The following KIF5C variants were observed in gnomAD, a reference collection of about 807,000 sequenced individuals.
KIF5C encodes kinesin family member 5C.
A neutral mutation model predicts 125.2 loss-of-function variants in KIF5C; 18 were observed. The ratio of observed to expected loss-of-function variants is 0.14; its 90% confidence interval spans 0.10 to 0.21. The LOEUF (loss-of-function observed/expected upper bound fraction) is 0.21, where lower values mean the gene tolerates loss of function less well. Ranked by LOEUF, KIF5C falls within the 10% of genes least tolerant of loss-of-function variation. The pLI is 1.00. For synonymous variants in KIF5C, 405 were observed against 434.0 expected (o/e 0.93, Z 0.83); for missense variants, 780 against 1,183.8 (o/e 0.66, Z 5.01).
chr2:148,949,253 T>C (rs1574778474), intron 8 of KIF5C, among the ~76,000 whole-genome samples: 1 of 152,224 alleles, frequency 6.6e-6, no homozygotes, highest in Non-Finnish European at 1.5e-5. Context: ...AAATTTACGA[T>C]GCAGTATACA....
At chr2:148,992,716 G>T (rs1292571558) in intron 16 of KIF5C, among the ~76,000 whole-genome samples, 1 of 152,208 alleles carries the variant, frequency 6.6e-6, no homozygotes, top group Admixed American at 6.5e-5. Context: ...GGGGGAAATA[G>T]TCCATAGATT....
At chr2:149,020,602 A>G (rs1276094751) in intron 25 of KIF5C, among the ~76,000 whole-genome samples, 2 of 152,178 alleles carry the variant, frequency 1.3e-5, no homozygotes, top group Non-Finnish European at 2.9e-5. Context: ...GGCTGCAAAC[A>G]TTGCGTCAGG....
intron 1 of KIF5C, among the ~76,000 whole-genome samples, chr2:148,901,991 T>A (rs566481580): frequency 1.3e-5 from 2 of 152,292 alleles, no homozygotes; most frequent in African/African-American, 2.4e-5. Context: ...TTAAATAGGA[T>A]TGGTTACTTC....
At chr2:148,973,833 TC>T (rs757275013) in intron 12 of KIF5C, among the ~76,000 whole-genome samples, 87 of 152,284 alleles carry the variant, frequency 5.7e-4, no homozygotes, top group Non-Finnish European at 1.2e-3. Flanking sequence ...TCTTTAAGTC[TC>T]CCTTTCTTCT....
At position 148,875,735 on chromosome 2, in the gene KIF5C, G is replaced by C; in HGVS notation, c.118G>C (p.Val40Leu). 6.2e-7 allele frequency: 1 copy of C among 1,604,836 alleles called. No homozygotes were observed. The highest frequency in any genetic ancestry group is 8.5e-7 in the Non-Finnish European group (1 of 1,176,194). The change falls in exon 1 of 26, where the codon GTG (valine) becomes CTG (leucine). Residue 40 changes from valine to leucine, a missense_variant. Transcript: ENST00000435030. ...CAAATTTAAAGGCGATGAGACCGTG[G>C]TGATCGGGGTAAGTGGCTGGGGCGT... ...IPKFKGDETV[V>L]IGQGKPYVFD... is the part of the protein sequence containing the mutation.
intron 2 of KIF5C, among the ~76,000 whole-genome samples, chr2:148,925,723 T>C (rs1352234775): frequency 1.3e-5 from 2 of 152,168 alleles, no homozygotes; most frequent in South Asian, 4.1e-4. Context: ...TGTCAGGCCA[T>C]ATGGACTATT....
chr2:148,904,024 T>C (rs2105059406), intron 1 of KIF5C, among the ~76,000 whole-genome samples: 1 of 152,348 alleles, frequency 6.6e-6, no homozygotes, highest in East Asian at 1.9e-4. Context: ...GAATAATGTA[T>C]GTATGTGCTA....
chr2:148,950,681 C>T (rs537189186), intron 10 of KIF5C, among the ~76,000 whole-genome samples: 26 of 152,132 alleles, frequency 1.7e-4, no homozygotes, highest in Non-Finnish European at 3.4e-4. Context: ...TGGTGGCATG[C>T]GCCTGTGGTC....
chr2:148,949,534 T>C (rs1184508874), intron 8 of KIF5C, among the ~76,000 whole-genome samples: 1 of 152,206 alleles, frequency 6.6e-6, no homozygotes, highest in Admixed American at 6.5e-5. Context: ...CTACCCATGG[T>C]GACAGCACTT....
intron 1 of KIF5C, among the ~76,000 whole-genome samples, chr2:148,890,234 A>G (rs536744194): frequency 1.3e-5 from 2 of 152,360 alleles, no homozygotes; most frequent in African/African-American, 4.8e-5. Flanking sequence ...ACAAGGCACA[A>G]AGAAAAAAGG....
chr2:148,881,147 C>A (rs1227540829), intron 1 of KIF5C, among the ~76,000 whole-genome samples: 2 of 151,986 alleles, frequency 1.3e-5, no homozygotes, highest in Non-Finnish European at 2.9e-5. Context: ...CCCTTGGTGA[C>A]CTTCCTCATG....
intron 1 of KIF5C, among the ~76,000 whole-genome samples, chr2:148,907,132 A>T (rs1379790505): frequency 1.3e-5 from 2 of 152,182 alleles, no homozygotes; most frequent in African/African-American, 2.4e-5. Flanking sequence ...TTCAGACCCA[A>T]TCCAAGGGAT....
intron 1 of KIF5C, among the ~76,000 whole-genome samples, chr2:148,887,813 C>A (rs1681586239): frequency 6.6e-6 from 1 of 152,080 alleles, no homozygotes; most frequent in Non-Finnish European, 1.5e-5. Context: ...CGCCCCCTTC[C>A]CGCCCTCCCC....
chr2:149,002,750 C>T (rs1468141277), intron 21 of KIF5C, among the ~76,000 whole-genome samples: 1 of 152,216 alleles, frequency 6.6e-6, no homozygotes, highest in African/African-American at 2.4e-5. Flanking sequence ...TACACTCATT[C>T]ACTGTCACAA....
At chr2:149,022,798 C>T (rs1682570384) in intron 25 of KIF5C, among the ~76,000 whole-genome samples, 1 of 152,106 alleles carries the variant, frequency 6.6e-6, no homozygotes, top group African/African-American at 2.4e-5. Context: ...GTGGCAAACC[C>T]TTGTAATCCC....
In KIF5C at chr2:148,941,885, T is replaced by G. The variant is rs749658964; in HGVS notation, c.446-50T>G. 6 of 1,593,664 alleles carry G rather than the reference T, an allele frequency of 3.8e-6. No individual in the cohort carries two copies. The South Asian group carries it at 7.0e-5, about 19-fold the overall frequency. ...CTTCCATTTTTCCTCCAATATAGAG[T>G]CTTTAACTTTTATTTTCTTCTTTGC... On this transcript the variant is annotated intron_variant, in intron 5 of 25. Coordinates refer to ENST00000435030, the MANE Select transcript of KIF5C (RefSeq NM_004522.3).
intron 16 of KIF5C, among the ~76,000 whole-genome samples, chr2:148,991,431 CATCCATAGATGG>C (rs2105173189): frequency 6.6e-6 from 1 of 152,200 alleles, no homozygotes; most frequent in East Asian, 1.9e-4. Context: ...TCTATCTACC[CATCCATAGATGG>C]ATGGCTAGCT....
chr2:148,879,468 T>C (rs1186792636), intron 1 of KIF5C: 2 of 137,220 alleles, frequency 1.5e-5, no homozygotes, highest in Non-Finnish European at 1.5e-5. Flanking sequence ...TAAAATGATA[T>C]AAGAAAATTG....
At chr2:148,898,116 C>A (rs1352040790) in intron 1 of KIF5C, among the ~76,000 whole-genome samples, 2 of 151,816 alleles carry the variant, frequency 1.3e-5, no homozygotes, top group African/African-American at 4.8e-5. Context: ...TGTGGGAAGT[C>A]CTGTCTTTTT....
Sources: allele counts gnomAD v4.1 joint callset (sites outside exome capture counted in the v4.1 genomes callset), GRCh38; gene constraint gnomAD v4.1.1; transcripts MANE v1.5; gene names NCBI Gene and HGNC (gene_info 2026-07-23, HGNC 2026-07-21).